The following FAM184A variants were observed in gnomAD, a reference collection of about 807,000 sequenced individuals.
The protein encoded by FAM184A is protein FAM184A.
In FAM184A, 99 loss-of-function variants were observed where a neutral mutation model predicts 143.8. That is an observed-to-expected ratio of 0.69 (90% confidence interval 0.58 to 0.81). The LOEUF is 0.81. Among genes scored for constraint, FAM184A ranks in the 40% least tolerant of loss-of-function variants. The pLI is 0.00. For synonymous variants in FAM184A, 427 were observed against 446.4 expected (o/e 0.96, Z 0.55); for missense variants, 1,217 against 1,310.5 (o/e 0.93, Z 1.10).
intron 1 of FAM184A, among the ~76,000 whole-genome samples, chr6:119,091,242 T>C (rs188429221): frequency 2.9e-4 from 44 of 152,350 alleles, no homozygotes; most frequent in Non-Finnish European, 5.0e-4. Context: ...AGCCTAAGGA[T>C]GTGAACATAG....
chr6:119,084,415 T>G (rs1582601594), intron 1 of FAM184A, among the ~76,000 whole-genome samples: 1 of 152,336 alleles, frequency 6.6e-6, no homozygotes, highest in Admixed American at 6.5e-5. Context: ...AAATAATCTC[T>G]TTTGACTCCA....
At position 119,030,003 on chromosome 6, in the gene FAM184A, T is replaced by C. The variant is rs766792278; in HGVS notation, c.160-5190A>G. 1.7e-4 allele frequency among the ~76,000 whole-genome samples: 26 copies of C among 152,084 alleles called. 1 individual carries two copies. The highest frequency in any genetic ancestry group is 3.7e-4 in the Non-Finnish European group (25 of 67,994). Reference sequence around the variant, plus strand: ...ATTGGCAGCCACAAATAAAAAATAATAAAAGATCTAAATTTGCAATAGCTT... The same window carrying C: ...ATTGGCAGCCACAAATAAAAAATAACAAAAGATCTAAATTTGCAATAGCTT... On this transcript the variant is annotated intron_variant, in intron 1 of 17. Transcript: ENST00000338891.
chr6:119,108,873 C>T (rs1417285451), intron 1 of FAM184A, among the ~76,000 whole-genome samples: 1 of 152,178 alleles, frequency 6.6e-6, no homozygotes, highest in Non-Finnish European at 1.5e-5. Flanking sequence ...GACTTCTACT[C>T]AACTTCCAAA....
chr6:119,072,824 T>C (rs1398310901), intron 1 of FAM184A, among the ~76,000 whole-genome samples: 2 of 152,096 alleles, frequency 1.3e-5, no homozygotes, highest in Non-Finnish European at 2.9e-5. Context: ...AACATTTACA[T>C]ATTTAGGAAT....
At chr6:119,045,657 A>C (rs1786501773) in intron 1 of FAM184A, among the ~76,000 whole-genome samples, 1 of 152,224 alleles carries the variant, frequency 6.6e-6, no homozygotes, top group Non-Finnish European at 1.5e-5. Context: ...CCTGCCTCAT[A>C]TACAGATAGA....
intron 1 of FAM184A, among the ~76,000 whole-genome samples, chr6:119,114,967 A>G (rs1235058062): frequency 6.6e-6 from 1 of 152,106 alleles, no homozygotes; most frequent in Admixed American, 6.5e-5. Context: ...CAATCCTCCC[A>G]CTGCAGCCTT....
chr6:118,993,994 G>C (rs539826102), intron 9 of FAM184A, among the ~76,000 whole-genome samples: 6 of 152,284 alleles, frequency 3.9e-5, no homozygotes, highest in African/African-American at 1.4e-4. Flanking sequence ...TCACTCTCCA[G>C]AATAAAGGTG....
rs1355926101 is a variant in FAM184A, at chr6:118,980,326, C to A, written c.2113G>T (p.Glu705Ter). The A allele has an allele frequency of 1.2e-6, 2 of 1,613,866 alleles. No individual in the cohort carries two copies. Among genetic ancestry groups the A allele is most frequent in the Non-Finnish European group, 1.7e-6 (2 of 1,179,878 alleles). ...GTCTGAGACTGGGAAAGCTGTATCT[C>A]CAGATTCTGTTTCAGCAAGGAAATC... ...NQISLLKQNL[E>*]IQLSQSQTSL... is the part of the protein sequence containing the mutation. The change falls in exon 10 of 18, where the codon GAG becomes TAG. Residue 705 changes from glutamate to a stop codon, truncating the protein, a stop_gained. Coordinates refer to ENST00000338891, the MANE Select transcript of FAM184A (RefSeq NM_024581.6). LOFTEE classifies it high-confidence loss of function.
chr6:119,081,238 A>T (rs1389213092), upstream of FAM184A, among the ~76,000 whole-genome samples: 1 of 152,192 alleles, frequency 6.6e-6, no homozygotes, highest in Non-Finnish European at 1.5e-5. Flanking sequence ...TAAAACTATC[A>T]GATCTTGTGA....
At chr6:119,041,311 C>G (rs1165355222) in intron 1 of FAM184A, among the ~76,000 whole-genome samples, 1 of 152,146 alleles carries the variant, frequency 6.6e-6, no homozygotes, top group Non-Finnish European at 1.5e-5. Context: ...CTGGATTTCC[C>G]AGGCTGACTA....
chr6:119,107,734 C>T (rs1401026826), intron 1 of FAM184A, among the ~76,000 whole-genome samples: 5 of 148,854 alleles, frequency 3.4e-5, no homozygotes, highest in South Asian at 2.1e-4. Flanking sequence ...ACCGAGATCT[C>T]GCCACTGCAC....
intron 15 of FAM184A, among the ~76,000 whole-genome samples, chr6:118,965,205 G>GTT (rs5879475): frequency 0.01 from 1,332 of 130,930 alleles, 25 homozygotes; most frequent in African/African-American, 0.012. Context: ...TTTTTTGTTT[G>GTT]TTTTTTTTTT....
At chr6:118,965,772 A>G (rs1783483559) in intron 15 of FAM184A, among the ~76,000 whole-genome samples, 1 of 152,178 alleles carries the variant, frequency 6.6e-6, no homozygotes, top group South Asian at 2.1e-4. Flanking sequence ...GCTTTACTGT[A>G]TTTGCTGTGA....
intron 1 of FAM184A, among the ~76,000 whole-genome samples, chr6:119,062,283 G>A (rs187445308): frequency 2.0e-5 from 3 of 152,258 alleles, no homozygotes; most frequent in East Asian, 3.9e-4. Context: ...ACACAATAAC[G>A]CACAATACAC....
At chr6:119,133,203 A>G (rs1789581048) in intron 1 of FAM184A, among the ~76,000 whole-genome samples, 1 of 152,192 alleles carries the variant, frequency 6.6e-6, no homozygotes, top group South Asian at 2.1e-4. Context: ...CATAAGTTCT[A>G]CTAGTTGGTT....
At chr6:119,110,679 A>G (rs1330281964) in intron 1 of FAM184A, among the ~76,000 whole-genome samples, 1 of 152,214 alleles carries the variant, frequency 6.6e-6, no homozygotes. Flanking sequence ...GAGACATTTC[A>G]GGCAAGACTG....
intron 1 of FAM184A, among the ~76,000 whole-genome samples, chr6:119,042,904 C>G (rs1414921750): frequency 6.6e-6 from 1 of 152,136 alleles, no homozygotes; most frequent in Non-Finnish European, 1.5e-5. Context: ...CTAAAAATTG[C>G]TCTAAAAGAG....
At chr6:119,059,650 G>C (rs1787145090) in intron 1 of FAM184A, among the ~76,000 whole-genome samples, 1 of 151,938 alleles carries the variant, frequency 6.6e-6, no homozygotes, top group African/African-American at 2.4e-5. Context: ...TCTAAATTAG[G>C]TCATGACTAA....
intron 17 of FAM184A, 136 bp downstream of exon 17, chr6:118,961,625 T>G: frequency 1.3e-6 from 1 of 778,592 alleles, no homozygotes; most frequent in Non-Finnish European, 2.1e-6. Context: ...AGAGAGGGGA[T>G]AAATATACTT....
Sources: gnomAD v4.1 joint callset for allele counts (sites outside exome capture counted in the v4.1 genomes callset) on GRCh38, gnomAD v4.1.1 for gene constraint, MANE v1.5 for transcripts, NCBI Gene and HGNC (gene_info 2026-07-23, HGNC 2026-07-21) for gene names.